Variants in RNF216 observed in about 807,000 individuals in gnomAD.
The protein encoded by RNF216 is ring finger protein 216.
RNF216 carries 72 observed loss-of-function variants against 110.8 expected under a neutral mutation model. The observed-to-expected ratio is 0.65, with a 90% CI of 0.54 to 0.79. RNF216 has a LOEUF of 0.79. RNF216 is among the 30% of genes least tolerant of loss of function. RNF216 has a pLI of 0.00. For synonymous variants in RNF216, 495 were observed against 407.5 expected, an observed-to-expected ratio of 1.21 and a Z score of -2.59; for missense variants, 1,342 against 1,141.2, an observed-to-expected ratio of 1.18 and a Z score of -2.54.
intron 2 of RNF216, among the ~76,000 whole-genome samples, chr7:5,759,764 T>C (rs1376854460): frequency 2.0e-5 from 3 of 151,708 alleles, no homozygotes; most frequent in Non-Finnish European, 2.9e-5. Flanking sequence ...CCCAAGTAGC[T>C]GGGACTACAG....
chr7:5,693,917 A>G lies in RNF216; in HGVS notation c.2061+17844T>C, dbSNP rs852260. 5.1e-3 allele frequency among the ~76,000 whole-genome samples: 778 copies of G among 152,298 alleles called. 9 individuals are homozygous for G. Among genetic ancestry groups the G allele is most frequent in the Admixed American group, 7.9e-3 (121 of 15,292 alleles). On this transcript the variant is annotated intron_variant, in intron 13 of 16. Coordinates refer to ENST00000389902, the MANE Select transcript of RNF216 (RefSeq NM_207111.4). ...CAGCCTTAAAAATGACACAACGAAA[A>G]TTAATAACTGTTCTATAAGATGGAA...
intron 7 of RNF216, among the ~76,000 whole-genome samples, chr7:5,725,771 AC>A (rs1268393219): frequency 6.9e-6 from 1 of 145,774 alleles, no homozygotes; most frequent in Non-Finnish European, 1.5e-5. Context: ...AATCGCTTGA[AC>A]CCAGGAGGCG....
intron 15 of RNF216, among the ~76,000 whole-genome samples, chr7:5,632,902 C>T (rs1269213076): frequency 6.6e-6 from 1 of 152,148 alleles, no homozygotes; most frequent in South Asian, 2.1e-4. Context: ...GGCAGTGCAC[C>T]CCAAATGCAG....
Position 5,639,122 on chromosome 7 carries a change from G to A in RNF216, c.2382+2032C>T, listed in dbSNP as rs546733308. Among the ~76,000 whole-genome samples, 92 of 152,230 alleles carry A rather than the reference G, an allele frequency of 6.0e-4. 1 individual carries two copies. The highest frequency in any genetic ancestry group is 2.2e-3 in the African/African-American group (90 of 41,542). ...GAATGTCATTAAGTTCTGGCTGATGGGACTGAAGCAGAAGTGACCTGTTGC... is the reference window on the plus strand; with the variant it reads ...GAATGTCATTAAGTTCTGGCTGATGAGACTGAAGCAGAAGTGACCTGTTGC... On this transcript the variant is annotated intron_variant, in intron 15 of 16. Transcript: ENST00000389902.
intron 13 of RNF216, among the ~76,000 whole-genome samples, chr7:5,693,657 G>A (rs1008167611): frequency 2.0e-5 from 3 of 152,124 alleles, no homozygotes; most frequent in Admixed American, 2.0e-4. Flanking sequence ...GGGAACTGTA[G>A]GTCTTTTGAT....
chr7:5,769,444 T>A (rs913018730), intron 1 of RNF216, among the ~76,000 whole-genome samples: 3 of 147,394 alleles, frequency 2.0e-5, no homozygotes, highest in Non-Finnish European at 3.0e-5. Flanking sequence ...ACAAAGAGGC[T>A]GGGCGTGGTG....
At chr7:5,649,221 A>G (rs1226966350) in intron 14 of RNF216, among the ~76,000 whole-genome samples, 1 of 152,004 alleles carries the variant, frequency 6.6e-6, no homozygotes, top group Non-Finnish European at 1.5e-5. Context: ...GTAAAACCCC[A>G]TCTCTACTAA....
intron 13 of RNF216, among the ~76,000 whole-genome samples, chr7:5,687,597 C>T (rs1791074938): frequency 6.6e-6 from 1 of 152,098 alleles, no homozygotes; most frequent in Non-Finnish European, 1.5e-5. Flanking sequence ...TGACAAGCCT[C>T]TCTGCCTGCC....
rs796657213 is a variant in RNF216 at position 5,762,019 on chromosome 7, C to T, written c.-69-881G>A. 1.1e-4 allele frequency among the ~76,000 whole-genome samples: 17 copies of T among 151,952 alleles called. No individual in the cohort carries two copies. In the East Asian group the frequency reaches 1.5e-3, roughly 14 times the overall value. On this transcript the variant is annotated intron_variant, in intron 1 of 16. Transcript: ENST00000389902. ...ACCTCTGTGTGTTCTCCAAGAAATA[C>T]GCATAATAGAATATACGGACAGGGA... is the stretch of plus-strand genomic sequence containing the variant.
At chr7:5,747,011 T>C (rs1795062313) in intron 3 of RNF216, among the ~76,000 whole-genome samples, 1 of 152,158 alleles carries the variant, frequency 6.6e-6, no homozygotes, top group African/African-American at 2.4e-5. Flanking sequence ...CAAGATTACC[T>C]CCCACACCAA....
chr7:5,684,218 T>A (rs2128607718), intron 13 of RNF216, among the ~76,000 whole-genome samples: 1 of 145,062 alleles, frequency 6.9e-6, no homozygotes, highest in African/African-American at 2.5e-5. Flanking sequence ...TTCTCCCACC[T>A]CAGCCTCCGG....
chr7:5,622,594 G>A lies in RNF216; in HGVS notation c.*266C>T, dbSNP rs1253848298. The stretch of plus-strand genomic sequence containing the variant: ...ATGCCATGGACAAGGCAGAAGGACT[G>A]CCGTTGGTGGCCTGGGGGATGCGAG... On this transcript the variant is annotated 3_prime_UTR_variant, in exon 17 of 17. Transcript: ENST00000389902. 3 of 473,550 alleles carry A rather than the reference G, an allele frequency of 6.3e-6. No homozygotes were observed. Among genetic ancestry groups the A allele is most frequent in the Non-Finnish European group, 1.1e-5 (3 of 264,920 alleles). 29.3% of individuals were successfully genotyped at this position (473,550 alleles called of 1,614,324 possible).
chr7:5,635,453 A>T (rs1584348845), intron 15 of RNF216, among the ~76,000 whole-genome samples: 1 of 152,090 alleles, frequency 6.6e-6, no homozygotes, highest in Non-Finnish European at 1.5e-5. Flanking sequence ...TGAAGCCAAA[A>T]ATCAGTTTCC....
chr7:5,730,013 A>G (rs1793995822), intron 6 of RNF216, among the ~76,000 whole-genome samples: 1 of 152,236 alleles, frequency 6.6e-6, no homozygotes, highest in Non-Finnish European at 1.5e-5. Context: ...GCCAGTTTAG[A>G]TCACAAATAA....
chr7:5,708,050 G>C (rs763155936), intron 13 of RNF216, among the ~76,000 whole-genome samples: 1 of 152,148 alleles, frequency 6.6e-6, no homozygotes, highest in Non-Finnish European at 1.5e-5. Flanking sequence ...CTCATACTTT[G>C]TGAATTTTCT....
rs1786285612 is a variant in RNF216 at position 5,620,504 on chromosome 7, CAG to C, written c.*2354_*2355del. ...CCGAGGTTCAGGCCCTGCCTCTGGA[CAG>C]AGGGGCCTGGAGAACCAGGGTGGGT... On this transcript the variant is annotated 3_prime_UTR_variant, in exon 17 of 17. Transcript: ENST00000389902. 1.3e-5 allele frequency: 2 copies of C among 152,254 alleles called. No homozygotes were observed. Among genetic ancestry groups the C allele is most frequent in the African/African-American group, 4.8e-5 (2 of 41,450 alleles). 9.4% of individuals were successfully genotyped at this position (152,254 alleles called of 1,614,324 possible). A position where few individuals can be genotyped will look rare whatever the true frequency, so the allele number is the denominator to read the frequency against.
intron 3 of RNF216, 93 bp downstream of exon 3, chr7:5,752,753 G>A: frequency 7.9e-7 from 1 of 1,264,542 alleles, no homozygotes; most frequent in Non-Finnish European, 1.1e-6. Flanking sequence ...GAGTACAAGA[G>A]GTGCTGTTCT....
chr7:5,645,318 T>A (rs929450234), intron 14 of RNF216, among the ~76,000 whole-genome samples: 1 of 152,248 alleles, frequency 6.6e-6, no homozygotes, highest in Non-Finnish European at 1.5e-5. Flanking sequence ...TCTTCAATAT[T>A]CTTTCTGTTC....
At chr7:5,649,591 A>C (rs1360902970) in intron 14 of RNF216, 1 of 152,080 alleles carries the variant, frequency 6.6e-6, no homozygotes, top group Non-Finnish European at 1.5e-5. Context: ...AAGGAAAGGC[A>C]AGTTGAAGCC....
Sources: gnomAD v4.1 joint callset for allele counts (sites outside exome capture counted in the v4.1 genomes callset) on GRCh38, gnomAD v4.1.1 for gene constraint, MANE v1.5 for transcripts, NCBI Gene and HGNC (gene_info 2026-07-23, HGNC 2026-07-21) for gene names.